The following BBS2 variants were observed in gnomAD, a reference collection of about 807,000 sequenced individuals.
BBS2 encodes Bardet-Biedl syndrome 2, also known as BBSome complex member BBS2.
Under a neutral mutation model 83.0 loss-of-function variants are expected in BBS2, and 62 were observed. The ratio of observed to expected loss-of-function variants is 0.75; its 90% confidence interval spans 0.61 to 0.92. The LOEUF (loss-of-function observed/expected upper bound fraction) is 0.92, where lower values mean the gene tolerates loss of function less well. Among genes scored for constraint, BBS2 ranks in the 40% least tolerant of loss-of-function variants. The pLI is 0.00. For synonymous variants in BBS2, 303 were observed against 326.1 expected, an observed-to-expected ratio of 0.93 and a Z score of 0.76; for missense variants, 784 against 901.0, an observed-to-expected ratio of 0.87 and a Z score of 1.66.
At chr16:56,500,259 G>A (rs777728342) in intron 11 of BBS2, 18 of 250,566 alleles carry the variant, frequency 7.2e-5, no homozygotes, top group Non-Finnish European at 1.4e-4. Flanking sequence ...TAGTTTTAGT[G>A]GCCAAAACTA....
intron 15 of BBS2, among the ~76,000 whole-genome samples, chr16:56,490,527 G>A (rs1465943935): frequency 2.0e-5 from 3 of 151,776 alleles, no homozygotes; most frequent in Non-Finnish European, 4.4e-5. Context: ...GTGTGGTAGC[G>A]CTACTTGGGA....
chr16:56,498,323 G>A, intron 13 of BBS2, 114 bp downstream of exon 13: 4 of 1,370,170 alleles, frequency 2.9e-6, no homozygotes, highest in Non-Finnish European at 4.1e-6. Context: ...ACCTCACTTT[G>A]GACTGAATGG....
At chr16:56,474,602 G>A (rs1393420181) in intron 17 of BBS2, among the ~76,000 whole-genome samples, 1 of 152,070 alleles carries the variant, frequency 6.6e-6, no homozygotes, top group Non-Finnish European at 1.5e-5. Flanking sequence ...TTACAGGCAT[G>A]AGCCACCATG....
chr16:56,477,516 A>G (rs1485943881), intron 17 of BBS2: 1 of 152,206 alleles, frequency 6.6e-6, no homozygotes, highest in Non-Finnish European at 1.5e-5. Flanking sequence ...CTGTTTTCCT[A>G]AATACTGTAG....
At chr16:56,515,520 GGCAATAT>G (rs1567585521) in intron 1 of BBS2, among the ~76,000 whole-genome samples, 1 of 152,184 alleles carries the variant, frequency 6.6e-6, no homozygotes, top group East Asian at 1.9e-4. Flanking sequence ...TTCCAAGGTG[GGCAATAT>G]GACCAAAAAG....
intron 2 of BBS2, 96 bp from the exon 3 acceptor site, chr16:56,511,380 AG>A (rs1964572326): frequency 6.6e-7 from 1 of 1,523,998 alleles, no homozygotes; most frequent in African/African-American, 1.4e-5. Flanking sequence ...GCAGATTTTG[AG>A]TAAAACAGAT....
At chr16:56,497,714 T>TCACAAATGCATCTACCGCATTCC in intron 14 of BBS2, 29 bp downstream of exon 14, 1 of 1,611,912 alleles carries the variant, frequency 6.2e-7, no homozygotes, top group Middle Eastern at 1.7e-4. Context: ...TACCACATTC[T>TCACAAATGCATCTACCGCATTCC]CACAAATGCA....
chr16:56,504,338 A>C (rs1234347535), intron 7 of BBS2, among the ~76,000 whole-genome samples: 1 of 152,234 alleles, frequency 6.6e-6, no homozygotes, highest in Non-Finnish European at 1.5e-5. Flanking sequence ...TTAGCAAATA[A>C]GAAGGCTCAT....
chr16:56,470,568 C>G, exon 18 of BBS2: 1 of 1,614,162 alleles, frequency 6.2e-7, no homozygotes, highest in Non-Finnish European at 8.5e-7. Flanking sequence ...AGGCACTATT[C>G]TTGCTGCTCT....
At chr16:56,490,128 G>A (rs199699946) in intron 15 of BBS2, among the ~76,000 whole-genome samples, 20 of 113,126 alleles carry the variant, frequency 1.8e-4, no homozygotes, top group African/African-American at 3.2e-4. Context: ...ACACACACAC[G>A]CACACACACA....
At position 56,519,944 on chromosome 16, in the gene BBS2, G is replaced by T; in HGVS notation, c.-82C>A. On this transcript the variant is annotated 5_prime_UTR_variant, in exon 1 of 17. Transcript: ENST00000245157. ...GGCCTCACGCGCCCGGGCAAGAAGT[G>T]CAGGGACACTACCTGCGCGGCCCCA... is the stretch of plus-strand genomic sequence containing the variant. The T allele has an allele frequency of 8.2e-7, 1 of 1,226,978 alleles. No homozygotes were observed. Among genetic ancestry groups the T allele is most frequent in the African/African-American group, 1.5e-5 (1 of 67,184 alleles). The allele number at this position is 1,226,978 out of a possible 1,614,324, so 76.0% of individuals were successfully genotyped here. A position where few individuals can be genotyped will look rare whatever the true frequency, so the allele number is the denominator to read the frequency against.
chr16:56,474,654 G>A (rs1482646637), intron 17 of BBS2, among the ~76,000 whole-genome samples: 5 of 152,060 alleles, frequency 3.3e-5, no homozygotes, highest in Admixed American at 1.3e-4. Context: ...AATAGAGCTG[G>A]TAATTCCTAA....
In BBS2 at chr16:56,501,409, C is replaced by A. The variant is rs1169691619; in HGVS notation, c.1169G>T (p.Ser390Ile). 1 of 1,614,164 alleles carries A rather than the reference C, an allele frequency of 6.2e-7. No individual in the cohort carries two copies. The highest frequency in any genetic ancestry group is 8.5e-7 in the Non-Finnish European group (1 of 1,180,028). ...AGCAGTTTGGGTCTCATTCCCCAGG[C>A]TGACTGAGAGCGTGGTGTGGAGCCT... is the stretch of plus-strand genomic sequence containing the variant. ...NTRLHTTLSV[S>I]LGNETQTAHT... Residue 390 changes from serine (S) to isoleucine (I), a missense_variant, in exon 10 of 17, where the codon AGC becomes ATC. Transcript: ENST00000245157.
rs1222450071 is a variant in BBS2 at position 56,475,497 on chromosome 16, C to G, written c.*1-4802G>C. The G allele has an allele frequency of 6.2e-7, 1 of 1,613,422 alleles. No individual in the cohort carries two copies. Among genetic ancestry groups the G allele is most frequent in the African/African-American group, 1.3e-5 (1 of 74,914 alleles). On this transcript the variant is annotated intron_variant, in intron 17 of 17. Coordinates refer to the BBS2 transcript ENST00000682047. ...AGCTTTCTGAATGCTGTTTGTTTTT[C>G]TCTTGTAAGGCTGGGAGCCAGAATA...
At chr16:56,501,674 T>C (rs1384164697) in intron 9 of BBS2, 177 bp from the exon 10 acceptor site, 2 of 833,170 alleles carry the variant, frequency 2.4e-6, no homozygotes, top group African/African-American at 3.4e-5. Context: ...CCTTGCTCTA[T>C]CTGGCCCTGT....
intron 15 of BBS2, 110 bp from the exon 16 acceptor site, chr16:56,485,848 A>G (rs1305784693): frequency 1.0e-6 from 1 of 998,430 alleles, no homozygotes; most frequent in Non-Finnish European, 1.5e-6. Flanking sequence ...TTTAAGCTAT[A>G]TTTTCATTAA....
chr16:56,494,830 C>T (rs1333006377), intron 15 of BBS2, among the ~76,000 whole-genome samples: 7 of 151,820 alleles, frequency 4.6e-5, no homozygotes, highest in Admixed American at 6.6e-5. Context: ...GGCTTGGTGG[C>T]GGGCGCCTGT....
At chr16:56,505,550 C>T (rs1229646541) in intron 7 of BBS2, among the ~76,000 whole-genome samples, 1 of 151,708 alleles carries the variant, frequency 6.6e-6, no homozygotes, top group Non-Finnish European at 1.5e-5. Flanking sequence ...AAACAATATG[C>T]TAACATGATT....
At chr16:56,498,736 A>G (rs758247484) in intron 12 of BBS2, 168 bp from the exon 13 acceptor site, 7 of 1,506,944 alleles carry the variant, frequency 4.6e-6, no homozygotes, top group Non-Finnish European at 5.3e-6. Flanking sequence ...ACTTCATCCC[A>G]CACCAAGAAA....
Sources: gnomAD v4.1 joint callset for allele counts (sites outside exome capture counted in the v4.1 genomes callset) on GRCh38, gnomAD v4.1.1 for gene constraint, MANE v1.5 for transcripts, NCBI Gene and HGNC (gene_info 2026-07-23, HGNC 2026-07-21) for gene names.